Variants in SHC4 observed in about 807,000 individuals in gnomAD.
SHC4 encodes the protein SHC adaptor protein 4.
Under a neutral mutation model 69.4 loss-of-function variants are expected in SHC4, and 41 were observed. The observed-to-expected ratio is 0.59, with a 90% confidence interval of 0.46 to 0.77. The LOEUF is 0.77. SHC4 is among the 30% of genes least tolerant of loss of function. The pLI is 0.00. For missense variants in SHC4, 777 were observed against 783.8 expected, an observed-to-expected ratio of 0.99 and a Z score of 0.10; for synonymous variants, 318 against 299.3, an observed-to-expected ratio of 1.06 and a Z score of -0.64.
Position 48,843,585 on chromosome 15 carries a change from T to C in SHC4, c.1307A>G (p.Asn436Ser). Residue 436 changes from asparagine to serine, a missense_variant, in exon 10 of 12, where the codon AAT (asparagine) becomes AGT (serine). Transcript: ENST00000332408. Reference sequence around the variant, plus strand: ...GGACTGCACCCCTCTTGGATGGACATTACCTGTAGTGATTAGTAGTGATCA... The same window carrying C: ...GGACTGCACCCCTCTTGGATGGACACTACCTGTAGTGATTAGTAGTGATCA... Reference protein sequence around the residue: ...NCLEQSRAIGNVHPRGVQSQR... With the variant: ...NCLEQSRAIGSVHPRGVQSQR... 6.2e-7 allele frequency: 1 copy of C among 1,613,458 alleles called. No homozygotes were observed. The highest frequency in any genetic ancestry group is 8.5e-7 in the Non-Finnish European group (1 of 1,179,548).
chr15:48,844,112 C>A (rs1899044147), intron 9 of SHC4, among the ~76,000 whole-genome samples: 1 of 152,136 alleles, frequency 6.6e-6, no homozygotes, highest in South Asian at 2.1e-4. Flanking sequence ...AGTAGGAAGT[C>A]TGGCTTCTCT....
chr15:48,953,578 G>A (rs1901399296), intron 1 of SHC4, among the ~76,000 whole-genome samples: 1 of 152,176 alleles, frequency 6.6e-6, no homozygotes, highest in South Asian at 2.1e-4. Flanking sequence ...CAGGGTCATT[G>A]TGAGGTAATT....
At chr15:48,878,617 T>C in intron 4 of SHC4, 1 of 1,614,056 alleles carries the variant, frequency 6.2e-7, no homozygotes, top group African/African-American at 1.3e-5. Flanking sequence ...ATGGCGGGTT[T>C]CAGATGCATT....
intron 1 of SHC4, among the ~76,000 whole-genome samples, chr15:48,947,021 T>C (rs1030893200): frequency 3.3e-5 from 5 of 152,194 alleles, no homozygotes; most frequent in Admixed American, 1.3e-4. Context: ...ATGCTTATGC[T>C]AGGGGGGTTT....
intron 10 of SHC4, among the ~76,000 whole-genome samples, chr15:48,838,930 A>T (rs992894087): frequency 5.3e-5 from 8 of 152,112 alleles, no homozygotes; most frequent in East Asian, 1.9e-4. Flanking sequence ...GCCAATATTT[A>T]AAAAATATAA....
chr15:48,959,219 C>T (rs1160472987), intron 1 of SHC4, among the ~76,000 whole-genome samples: 8 of 152,176 alleles, frequency 5.3e-5, no homozygotes, highest in Non-Finnish European at 1.0e-4. Flanking sequence ...GCCTTCCATT[C>T]CCACCCAAGC....
chr15:48,946,937 G>C (rs140205735), intron 1 of SHC4, among the ~76,000 whole-genome samples: 9 of 152,268 alleles, frequency 5.9e-5, no homozygotes, highest in African/African-American at 1.9e-4. Flanking sequence ...AGAGACACTT[G>C]ACATAACTTA....
At chr15:48,943,532 G>T (rs192422983) in intron 1 of SHC4, among the ~76,000 whole-genome samples, 1 of 151,982 alleles carries the variant, frequency 6.6e-6, no homozygotes, top group East Asian at 1.9e-4. Flanking sequence ...TCCATATCTT[G>T]ACTACTGTGA....
chr15:48,835,106 C>T (rs1898876710), intron 10 of SHC4, 84 bp from the exon 11 acceptor site: 1 of 1,465,930 alleles, frequency 6.8e-7, no homozygotes, highest in African/African-American at 1.4e-5. Context: ...GTAAATATAA[C>T]CTGAGGTCCT....
intron 6 of SHC4, among the ~76,000 whole-genome samples, chr15:48,863,586 A>G (rs887836419): frequency 6.6e-5 from 10 of 152,230 alleles, no homozygotes; most frequent in African/African-American, 2.2e-4. Context: ...GTTCAAAGGC[A>G]TTTACATTTT....
intron 3 of SHC4, among the ~76,000 whole-genome samples, chr15:48,890,281 C>T (rs1199957256): frequency 6.6e-6 from 1 of 152,182 alleles, no homozygotes; most frequent in Non-Finnish European, 1.5e-5. Context: ...TATTACCTCA[C>T]CTTTACCACT....
intron 1 of SHC4, among the ~76,000 whole-genome samples, chr15:48,931,170 A>G (rs373655026): frequency 2.0e-5 from 3 of 152,274 alleles, no homozygotes; most frequent in African/African-American, 7.2e-5. Context: ...TTTTTTAAAA[A>G]CAATGGTTCC....
chr15:48,833,175 G>T (rs1221867345), intron 11 of SHC4, among the ~76,000 whole-genome samples: 3 of 152,132 alleles, frequency 2.0e-5, no homozygotes, highest in Non-Finnish European at 4.4e-5. Context: ...CTTCATACAA[G>T]GGAAGAATCA....
intron 4 of SHC4, chr15:48,877,538 G>A (rs1899831786): frequency 2.0e-6 from 2 of 984,456 alleles, no homozygotes; most frequent in Non-Finnish European, 2.4e-6. Flanking sequence ...ACATGTAAAT[G>A]CAAATAAAAA....
chr15:48,901,117 T>C (rs1900311860), intron 2 of SHC4, among the ~76,000 whole-genome samples: 1 of 152,220 alleles, frequency 6.6e-6, no homozygotes. Context: ...AATATTCTTT[T>C]GGGGTGTTTT....
intron 1 of SHC4, among the ~76,000 whole-genome samples, chr15:48,950,044 A>G (rs1173685220): frequency 7.0e-6 from 1 of 142,004 alleles, no homozygotes; most frequent in African/African-American, 2.5e-5. Context: ...TAAATATAAT[A>G]CAATAAATAT....
At chr15:48,831,354 A>T (rs1456098854) in intron 11 of SHC4, among the ~76,000 whole-genome samples, 1 of 152,092 alleles carries the variant, frequency 6.6e-6, no homozygotes, top group Non-Finnish European at 1.5e-5. Flanking sequence ...TTCGCTCACC[A>T]CTCACTCGCT....
intron 2 of SHC4, among the ~76,000 whole-genome samples, chr15:48,897,361 A>T (rs1900241500): frequency 6.6e-6 from 1 of 152,316 alleles, no homozygotes; most frequent in East Asian, 1.9e-4. Context: ...CCAAAAAAAG[A>T]TATTTTGTCT....
chr15:48,852,908 AT>A (rs1209356767), intron 8 of SHC4, among the ~76,000 whole-genome samples: 1 of 128,932 alleles, frequency 7.8e-6, no homozygotes. Flanking sequence ...TCTCAAAAAA[AT>A]ATATAAAAAT....
Sources: gnomAD v4.1 joint callset for allele counts (sites outside exome capture counted in the v4.1 genomes callset) on GRCh38, gnomAD v4.1.1 for gene constraint, MANE v1.5 for transcripts, NCBI Gene and HGNC (gene_info 2026-07-23, HGNC 2026-07-21) for gene names.